The following LSR variants were observed in gnomAD, a reference collection of about 807,000 sequenced individuals.
The protein encoded by LSR is lipolysis stimulated lipoprotein receptor.
A neutral mutation model predicts 61.8 loss-of-function variants in LSR; 44 were observed. That is an observed-to-expected ratio of 0.71 (90% CI 0.56 to 0.91). The LOEUF is 0.91. Among genes scored for constraint, LSR ranks in the 40% least tolerant of loss-of-function variants. The pLI is 0.00. For missense variants in LSR, 911 were observed against 830.5 expected (o/e 1.10, Z -1.19); for synonymous variants, 397 against 350.6 (o/e 1.13, Z -1.48).
intron 5 of LSR, among the ~76,000 whole-genome samples, chr19:35,263,827 G>C (rs936292761): frequency 4.0e-5 from 6 of 149,656 alleles, no homozygotes; most frequent in Admixed American, 2.0e-4. Flanking sequence ...TTTTTTTTTG[G>C]AGACAGTTTC....
Position 35,252,576 on chromosome 19 carries a change from G to A in LSR, c.454+1917G>A, listed in dbSNP as rs147719455. On this transcript the variant is annotated intron_variant, in intron 2 of 9. Transcript: ENST00000605618. ...AGGCATGAGAATCGCTTGAACCCAGGAGGCAGAGGTTGCAGTGAGCTGAGA... is the reference window on the plus strand; with the variant it reads ...AGGCATGAGAATCGCTTGAACCCAGAAGGCAGAGGTTGCAGTGAGCTGAGA... 3.7e-3 allele frequency among the ~76,000 whole-genome samples: 549 copies of A among 149,388 alleles called. 2 individuals are homozygous for A. The highest frequency in any genetic ancestry group is 6.2e-3 in the Non-Finnish European group (417 of 67,590).
intron 2 of LSR, 100 bp from the exon 3 acceptor site, chr19:35,258,845 C>G (rs2065887956): frequency 4.1e-6 from 6 of 1,479,686 alleles, no homozygotes; most frequent in Non-Finnish European, 3.8e-6. Context: ...CAGCCCACTG[C>G]TTGCCCCCTC....
intron 5 of LSR, among the ~76,000 whole-genome samples, chr19:35,263,690 G>T (rs1374770543): frequency 6.6e-6 from 1 of 152,016 alleles, no homozygotes; most frequent in Non-Finnish European, 1.5e-5. Context: ...GTAGAGACAG[G>T]GTCTTGCTAT....
rs2066018382 is a variant in LSR, at chr19:35,267,148, G to A, written c.1184G>A (p.Arg395Gln). Residue 395 changes from arginine (R) to glutamine (Q), a missense_variant, in exon 9 of 10, where the codon CGA becomes CAA. Physicochemically the swap from Arg to Gln is conservative, Grantham distance 43. Transcript: ENST00000605618. The stretch of plus-strand genomic sequence containing the variant: ...ACCTCCCTCCACGAGGACGACTGGC[G>A]ATCTCGGCCTTCCCGGGGCCCTGCC... Reference protein sequence around the residue: ...EVTSLHEDDWRSRPSRGPALT... With the variant: ...EVTSLHEDDWQSRPSRGPALT... 2 of 1,529,332 alleles carry A rather than the reference G, an allele frequency of 1.3e-6. No homozygotes were observed. Among genetic ancestry groups the A allele is most frequent in the African/African-American group, 1.4e-5 (1 of 72,020 alleles). 94.7% of individuals were successfully genotyped at this position (1,529,332 alleles called of 1,614,324 possible). A position where few individuals can be genotyped will look rare whatever the true frequency, so the allele number is the denominator to read the frequency against.
rs756838617 is a variant in LSR, at chr19:35,249,120, C to T, written c.98C>T (p.Thr33Ile). The change falls in exon 1 of 10, where the codon ACC (threonine) becomes ATC (isoleucine). Residue 33 changes from threonine to isoleucine, a missense_variant. By Grantham distance (89) the Thr-to-Ile change is moderately conservative. Transcript: ENST00000605618. The part of the protein sequence containing the change: ...AVVFVWLLLS[T>I]WCTAPARAIQ... ...GTCTTCGTGTGGCTTCTGCTTAGCA[C>T]CTGGTGCACAGGTACGGGGCACGGG... The T allele has an allele frequency of 5.2e-6, 8 of 1,544,410 alleles. No individual in the cohort carries two copies. The highest frequency in any genetic ancestry group is 4.1e-5 in the African/African-American group (3 of 72,628).
Position 35,267,417 on chromosome 19 carries a change from G to A in LSR, c.1453G>A (p.Asp485Asn), listed in dbSNP as rs1599611074. ...YMPPRSRSRD[D>N]LYDQDDSRDF... is the part of the protein sequence containing the mutation. ...GCCCCCGCGGAGCCGCAGCCGGGAC[G>A]ACCTCTATGACCAAGACGACTCGAG... The change falls in exon 9 of 10, where the codon GAC (aspartate) becomes AAC (asparagine). Residue 485 changes from aspartate (D) to asparagine (N), a missense_variant. Coordinates refer to ENST00000605618, the MANE Select transcript of LSR (RefSeq NM_205834.4). 1.2e-6 allele frequency: 2 copies of A among 1,610,226 alleles called. No homozygotes were observed. Among genetic ancestry groups the A allele is most frequent in the Non-Finnish European group, 1.7e-6 (2 of 1,179,138 alleles).
intron 8 of LSR, 54 bp downstream of exon 8, chr19:35,267,021 T>C (rs2066013610): frequency 6.3e-7 from 1 of 1,575,194 alleles, no homozygotes; most frequent in African/African-American, 1.4e-5. Context: ...GTGAAACATG[T>C]CTCCCTGATA....
Position 35,266,949 on chromosome 19 carries a change from A to C in LSR, c.1126A>C (p.Ser376Arg), listed in dbSNP as rs751567328. 1.9e-6 allele frequency: 3 copies of C among 1,613,086 alleles called. No homozygotes were observed. The East Asian group carries it at 6.7e-5, about 36-fold the overall frequency. ...NFDPSRPGPP[S>R]GRVERAMSEV... ...CGACCCTTCTCGACCTGGCCCCCCC[A>C]GTGGCCGTGTGGAGCGGGGTAAGCA... Residue 376 changes from serine to arginine, a missense_variant, in exon 8 of 10, where the codon AGT becomes CGT. Ser to Arg is a moderately radical substitution (Grantham distance 110, BLOSUM62 -1). Coordinates refer to ENST00000605618, the MANE Select transcript of LSR (RefSeq NM_205834.4).
intron 2 of LSR, among the ~76,000 whole-genome samples, chr19:35,255,997 C>T (rs556565061): frequency 2.2e-4 from 34 of 152,276 alleles, no homozygotes; most frequent in African/African-American, 8.2e-4. Context: ...CTTTGGGAGG[C>T]CCAGGCGGGC....
chr19:35,252,648 CAAAAAA>C (rs57052855), intron 2 of LSR, among the ~76,000 whole-genome samples: 1 of 74,774 alleles, frequency 1.3e-5, no homozygotes, highest in Non-Finnish European at 2.6e-5. Flanking sequence ...GACTCTGTCT[CAAAAAA>C]AAAAAAAAAA....
In LSR at chr19:35,261,766, G is replaced by A. The variant is rs192987702; in HGVS notation, c.575-159G>A. 2.2e-3 allele frequency among the ~76,000 whole-genome samples: 340 copies of A among 152,326 alleles called. 1 individual carries two copies. The highest frequency in any genetic ancestry group is 7.8e-3 in the African/African-American group (326 of 41,572). On this transcript the variant is annotated intron_variant, in intron 3 of 9. Coordinates refer to ENST00000605618, the MANE Select transcript of LSR (RefSeq NM_205834.4). ...TACCTATAAGCACCCACATGTGGGC[G>A]GGTGGAGGGTAGGAGCCATGCACTA...
At chr19:35,262,518 G>A (rs761359006) in intron 4 of LSR, 28 bp from the exon 5 acceptor site, 16 of 1,613,766 alleles carry the variant, frequency 9.9e-6, no homozygotes, top group South Asian at 8.8e-5. Context: ...CCAGGCCTCC[G>A]GGCTCAGGGC....
intron 3 of LSR, 117 bp from the exon 4 acceptor site, chr19:35,261,808 C>G: frequency 1.7e-6 from 1 of 605,512 alleles, no homozygotes; most frequent in Non-Finnish European, 2.7e-6. Context: ...CAGCCCCCAG[C>G]CCCTTCCCGC....
intron 2 of LSR, chr19:35,251,428 C>T (rs2065791499): frequency 6.6e-6 from 1 of 152,216 alleles, no homozygotes; most frequent in Non-Finnish European, 1.5e-5. Flanking sequence ...AAGCTCTCAT[C>T]CAGGTTCCCA....
In LSR at chr19:35,256,707, A is replaced by G. The variant is rs534380794; in HGVS notation, c.455-2238A>G. ...AGTAATTATTGTTGAAGGATGAATGAATGAATGAATGAATGAATGAATGAA... is the reference window on the plus strand; with the variant it reads ...AGTAATTATTGTTGAAGGATGAATGGATGAATGAATGAATGAATGAATGAA... On this transcript the variant is annotated intron_variant, in intron 2 of 9. Transcript: ENST00000605618. 6.6e-3 allele frequency among the ~76,000 whole-genome samples: 789 copies of G among 120,112 alleles called. 4 individuals are homozygous for G. Among genetic ancestry groups the G allele is most frequent in the Non-Finnish European group, 0.011 (599 of 54,038 alleles). The allele number at this position is 120,112 out of a possible 152,430, so 78.8% of individuals were successfully genotyped here.
intron 2 of LSR, chr19:35,253,531 G>A (rs574395236): frequency 1.3e-5 from 2 of 152,444 alleles, no homozygotes; most frequent in East Asian, 3.9e-4. Context: ...AGTTGGGCAT[G>A]GGGCAGAGCG....
chr19:35,267,007 G>A (rs1275555808), intron 8 of LSR, 40 bp downstream of exon 8: 3 of 1,585,144 alleles, frequency 1.9e-6, no homozygotes, highest in South Asian at 1.2e-5. Flanking sequence ...TTTAAGGTGG[G>A]GGGGTGAAAC....
At chr19:35,249,314 G>T in intron 1 of LSR, 183 bp downstream of exon 1, 2 of 688,476 alleles carry the variant, frequency 2.9e-6, no homozygotes, top group Non-Finnish European at 4.5e-6. Context: ...TTGTGCCGGG[G>T]AGCGCTCCCC....
At chr19:35,253,592 A>C (rs189834541) in intron 2 of LSR, 2 of 152,490 alleles carry the variant, frequency 1.3e-5, no homozygotes, top group African/African-American at 4.8e-5. Flanking sequence ...ACTGGAGCAC[A>C]TTCTGCTAGA....
Sources: gnomAD v4.1 joint callset for allele counts (sites outside exome capture counted in the v4.1 genomes callset) on GRCh38, gnomAD v4.1.1 for gene constraint, MANE v1.5 for transcripts, NCBI Gene and HGNC (gene_info 2026-07-23, HGNC 2026-07-21) for gene names.